DENND5A: variants seen among roughly 807,000 people sequenced by gnomAD.
DENND5A encodes the protein DENN domain containing 5A.
In DENND5A, 64 loss-of-function variants were observed where a neutral mutation model predicts 140.3. The observed-to-expected ratio is 0.46, with a 90% confidence interval of 0.37 to 0.56. DENND5A has a LOEUF of 0.56. Ranked by LOEUF, DENND5A falls within the 20% of genes least tolerant of loss-of-function variation. The pLI, the probability that DENND5A is intolerant of heterozygous loss-of-function variation, is 0.00. For synonymous variants in DENND5A, 605 were observed against 607.7 expected (o/e 1.00, Z 0.07); for missense variants, 1,292 against 1,593.8 (o/e 0.81, Z 3.22).
At chr11:9,245,619 CTATTTT>C in intron 1 of DENND5A, 1 of 151,758 alleles carries the variant, frequency 6.6e-6, no homozygotes, top group African/African-American at 2.4e-5. Flanking sequence ...TAGGCAGCCT[CTATTTT>C]TAATTTAATT....
intron 12 of DENND5A, among the ~76,000 whole-genome samples, chr11:9,154,945 T>A (rs1460428686): frequency 6.6e-6 from 1 of 151,344 alleles, no homozygotes; most frequent in East Asian, 1.9e-4. Context: ...AAGTCAGGAG[T>A]TCGAGACCAA....
chr11:9,207,615 G>A lies in DENND5A; in HGVS notation c.127C>T (p.Gln43Ter), dbSNP rs747796744. 1 of 1,611,120 alleles carries A rather than the reference G, an allele frequency of 6.2e-7. No homozygotes were observed. The highest frequency in any genetic ancestry group is 1.3e-5 in the African/African-American group (1 of 74,968). Residue 43 changes from glutamine to a stop codon, truncating the protein, a stop_gained, in exon 2 of 23, where the codon CAG becomes TAG. Transcript: ENST00000328194. LOFTEE classifies it high-confidence loss of function. ...GCACCATCCCTGGCTTTAGAAGCCT[G>A]TATGTACTGGCATAATGCTATATGA... Reference protein sequence around the residue: ...DELSALCQYIQASKARDGASP... With the variant: ...DELSALCQYI
chr11:9,187,233 G>T (rs772065237), intron 5 of DENND5A, among the ~76,000 whole-genome samples: 3 of 152,190 alleles, frequency 2.0e-5, no homozygotes, highest in Non-Finnish European at 4.4e-5. Context: ...GCACACAGAA[G>T]CACTTACAAA....
intron 5 of DENND5A, 85 bp from the exon 6 acceptor site, chr11:9,181,169 CA>C: frequency 8.3e-7 from 1 of 1,207,318 alleles, no homozygotes; most frequent in Non-Finnish European, 1.2e-6. Context: ...AACAAGAGGG[CA>C]AAAACAAAAC....
intron 1 of DENND5A, among the ~76,000 whole-genome samples, chr11:9,229,325 AG>A: frequency 6.6e-6 from 1 of 152,196 alleles, no homozygotes; most frequent in Middle Eastern, 3.4e-3. Context: ...TTGGTGTCAG[AG>A]GTGTAATGCA....
At chr11:9,177,485 C>CA (rs538149647) in intron 8 of DENND5A, among the ~76,000 whole-genome samples, 71 of 143,358 alleles carry the variant, frequency 5.0e-4, no homozygotes, top group South Asian at 6.6e-4. Flanking sequence ...CTTGTCTCCA[C>CA]AAAAAAAAAA....
chr11:9,244,709 T>C (rs1008814483), intron 1 of DENND5A, among the ~76,000 whole-genome samples: 26 of 152,026 alleles, frequency 1.7e-4, no homozygotes, highest in African/African-American at 6.0e-4. Flanking sequence ...AAGGTCTGGC[T>C]CTGTCACTCA....
chr11:9,231,047 A>G lies in DENND5A; in HGVS notation c.110-23415T>C, dbSNP rs77443491. Among the ~76,000 whole-genome samples the G allele has an allele frequency of 5.3e-3, 814 of 152,304 alleles. 8 individuals carry two copies. Among genetic ancestry groups the G allele is most frequent in the African/African-American group, 0.019 (773 of 41,558 alleles). ...CTACCTCATCAGCCTATTGAGAGGAATGAATGAGTTAACATATGTAAAGCA... is the reference window on the plus strand; with the variant it reads ...CTACCTCATCAGCCTATTGAGAGGAGTGAATGAGTTAACATATGTAAAGCA... On this transcript the variant is annotated intron_variant, in intron 1 of 22. Transcript: ENST00000328194.
chr11:9,174,522 T>TC (rs2136165854), intron 8 of DENND5A, among the ~76,000 whole-genome samples: 1 of 151,386 alleles, frequency 6.6e-6, no homozygotes, highest in East Asian at 1.9e-4. Flanking sequence ...ATTTCTTTTT[T>TC]TTTTTTTTTT....
At chr11:9,214,435 A>C (rs1422506795) in intron 1 of DENND5A, among the ~76,000 whole-genome samples, 1 of 152,230 alleles carries the variant, frequency 6.6e-6, no homozygotes, top group East Asian at 1.9e-4. Context: ...CATTACTATC[A>C]GCACTTTTTA....
intron 18 of DENND5A, among the ~76,000 whole-genome samples, chr11:9,144,589 A>G (rs993466581): frequency 2.6e-5 from 4 of 152,068 alleles, no homozygotes; most frequent in African/African-American, 9.7e-5. Flanking sequence ...TCAGGAGTTC[A>G]AGACCAGCCT....
At chr11:9,148,462 A>C (rs1847503742) in intron 15 of DENND5A, among the ~76,000 whole-genome samples, 1 of 152,338 alleles carries the variant, frequency 6.6e-6, no homozygotes, top group South Asian at 2.1e-4. Flanking sequence ...GACAGCCATG[A>C]CCAACTTCAG....
chr11:9,142,444 A>G (rs1847277214), intron 21 of DENND5A, among the ~76,000 whole-genome samples: 1 of 152,218 alleles, frequency 6.6e-6, no homozygotes, highest in South Asian at 2.1e-4. Context: ...TTTGGGATCT[A>G]TAAGGGGAAA....
chr11:9,203,959 T>C lies in DENND5A; in HGVS notation c.650A>G (p.Lys217Arg). The change falls in exon 4 of 23, where the codon AAG becomes AGG. Residue 217 changes from lysine to arginine, a missense_variant. By Grantham distance (26) the Lys-to-Arg change is conservative. This residue lies in a region of DENND5A where 566 missense variants were observed against 650.4 expected (regional missense o/e 0.87). Coordinates refer to ENST00000328194, the MANE Select transcript of DENND5A (RefSeq NM_015213.4). ...ICLITPMSFM[K>R]ACRSVLEQLH... ...TTGCTCCAGCACGCTCCGACATGCC[T>C]TCATGAAAGACATGGGTGTGATGAG... 5.0e-6 allele frequency: 8 copies of C among 1,614,122 alleles called. No individual in the cohort carries two copies. The highest frequency in any genetic ancestry group is 6.8e-6 in the Non-Finnish European group (8 of 1,180,028).
At chr11:9,213,668 A>T (rs751891515) in intron 1 of DENND5A, among the ~76,000 whole-genome samples, 2 of 151,698 alleles carry the variant, frequency 1.3e-5, no homozygotes, top group Non-Finnish European at 2.9e-5. Flanking sequence ...TTAGCCAGGC[A>T]TGGTGGCAGG....
At chr11:9,228,736 AAAC>A (rs1850638034) in intron 1 of DENND5A, among the ~76,000 whole-genome samples, 2 of 151,854 alleles carry the variant, frequency 1.3e-5, no homozygotes, top group Admixed American at 6.6e-5. Flanking sequence ...AAAAAAACAT[AAAC>A]AACAGGGTTC....
intron 18 of DENND5A, 88 bp downstream of exon 18, chr11:9,144,907 C>G: frequency 1.1e-6 from 1 of 926,650 alleles, no homozygotes; most frequent in Non-Finnish European, 1.8e-6. Context: ...CCTAAAGGGT[C>G]TCCTTGGGAA....
Position 9,142,062 on chromosome 11 carries a change from G to A in DENND5A, c.3558C>T (p.Val1186=). 6.2e-7 allele frequency: 1 copy of A among 1,604,362 alleles called. No homozygotes were observed. The highest frequency in any genetic ancestry group is 2.2e-5 in the East Asian group (1 of 44,458). The change falls in exon 22 of 23, where the codon GTC becomes GTT. Residue 1186 remains valine (V), a synonymous_variant. Transcript: ENST00000328194. ...YYETLEKNEV[V]PEENWHTRAR... ...CTCTTGTATGCCAGTTTTCCTCAGG[G>A]ACTACTTCATTCTTCTCTAATGTCT...
chr11:9,251,478 T>C (rs540093499), intron 1 of DENND5A, among the ~76,000 whole-genome samples: 40 of 152,256 alleles, frequency 2.6e-4, no homozygotes, highest in Middle Eastern at 3.4e-3. Context: ...CGGTCTAAAC[T>C]ATACCTATTG....
Sources: allele counts gnomAD v4.1 joint callset (sites outside exome capture counted in the v4.1 genomes callset), GRCh38; gene constraint gnomAD v4.1.1; regional missense constraint gnomAD v4.1.1; transcripts MANE v1.5; gene names NCBI Gene and HGNC (gene_info 2026-07-23, HGNC 2026-07-21).